CDH12: variants seen among roughly 807,000 people sequenced by gnomAD.
The protein encoded by CDH12 is cadherin-12.
CDH12 carries 41 observed loss-of-function variants against 74.1 expected under a neutral mutation model. The observed-to-expected ratio is 0.55, with a 90% confidence interval of 0.43 to 0.72. The LOEUF is 0.72. CDH12 is among the 30% of genes least tolerant of loss of function. The probability of loss-of-function intolerance (pLI) is 0.00; values close to 1 mark genes in which losing one functional copy is unlikely to be tolerated. For synonymous variants in CDH12, 399 were observed against 355.0 expected (o/e 1.12, Z -1.39); for missense variants, 945 against 977.2 (o/e 0.97, Z 0.44).
At chr5:22,145,388 T>C (rs556559147) in intron 4 of CDH12, among the ~76,000 whole-genome samples, 1 of 152,172 alleles carries the variant, frequency 6.6e-6, no homozygotes, top group East Asian at 1.9e-4. Flanking sequence ...AGCTCGTTCA[T>C]GAAAGAGATT....
chr5:22,400,432 T>C (rs894460105), intron 3 of CDH12, among the ~76,000 whole-genome samples: 3 of 152,122 alleles, frequency 2.0e-5, no homozygotes, highest in Non-Finnish European at 4.4e-5. Context: ...AATAGAAAAA[T>C]GAATACTGTG....
intron 4 of CDH12, among the ~76,000 whole-genome samples, chr5:22,164,486 C>T (rs376663087): frequency 7.2e-5 from 11 of 152,126 alleles, no homozygotes; most frequent in Admixed American, 3.3e-4. Flanking sequence ...TCTGTGACGG[C>T]GGCAAAACAG....
chr5:22,756,098 G>GAAAAAAAAA (rs60067455), intron 1 of CDH12, among the ~76,000 whole-genome samples: 67 of 87,256 alleles, frequency 7.7e-4, no homozygotes, highest in Admixed American at 2.7e-3. Flanking sequence ...TTCAAGGACC[G>GAAAAAAAAA]AAAAAAAAAA....
At chr5:22,247,728 C>T (rs955424268) in intron 3 of CDH12, among the ~76,000 whole-genome samples, 1 of 151,904 alleles carries the variant, frequency 6.6e-6, no homozygotes, top group African/African-American at 2.4e-5. Context: ...TAGCTTTTCT[C>T]CATATTCATA....
intron 2 of CDH12, among the ~76,000 whole-genome samples, chr5:22,447,237 C>T (rs778417154): frequency 6.6e-6 from 1 of 151,982 alleles, no homozygotes; most frequent in Non-Finnish European, 1.5e-5. Context: ...ATTCAATTTG[C>T]ACCAGATATC....
intron 5 of CDH12, among the ~76,000 whole-genome samples, chr5:21,983,016 A>C (rs1226663522): frequency 1.3e-5 from 2 of 152,082 alleles, no homozygotes; most frequent in African/African-American, 4.8e-5. Context: ...GCTAATCCAA[A>C]CAAGAACATC....
At chr5:22,021,269 T>C (rs1580124358) in intron 5 of CDH12, among the ~76,000 whole-genome samples, 1 of 152,338 alleles carries the variant, frequency 6.6e-6, no homozygotes, top group East Asian at 1.9e-4. Context: ...GTCATGTCAG[T>C]ACTCAAAAAG....
intron 1 of CDH12, among the ~76,000 whole-genome samples, chr5:22,715,518 CA>C (rs1364650525): frequency 6.6e-6 from 1 of 152,070 alleles, no homozygotes; most frequent in Admixed American, 6.6e-5. Flanking sequence ...TCTCAGGGTT[CA>C]AAATGGAGCA....
chr5:22,796,471 T>C (rs986676749), intron 1 of CDH12, among the ~76,000 whole-genome samples: 2 of 151,874 alleles, frequency 1.3e-5, no homozygotes, highest in Non-Finnish European at 2.9e-5. Context: ...CTGTTGGCCA[T>C]TTATATGTCT....
At chr5:22,797,468 C>G (rs1173956473) in intron 1 of CDH12, among the ~76,000 whole-genome samples, 3 of 152,064 alleles carry the variant, frequency 2.0e-5, no homozygotes, top group Admixed American at 2.0e-4. Context: ...GTCAAGAAGC[C>G]CTTGTTCTGT....
At chr5:22,761,443 C>T (rs778118517) in intron 1 of CDH12, among the ~76,000 whole-genome samples, 9 of 152,010 alleles carry the variant, frequency 5.9e-5, no homozygotes, top group Non-Finnish European at 1.0e-4. Context: ...CACGGTGTGC[C>T]CCCCAGGAGT....
At chr5:22,369,408 AT>A (rs1463491329) in intron 3 of CDH12, among the ~76,000 whole-genome samples, 1 of 152,128 alleles carries the variant, frequency 6.6e-6, no homozygotes, top group African/African-American at 2.4e-5. Context: ...TTTTTCCACC[AT>A]TTTTTTCCTA....
At chr5:22,538,206 G>A (rs545549175) in intron 1 of CDH12, among the ~76,000 whole-genome samples, 55 of 152,212 alleles carry the variant, frequency 3.6e-4, no homozygotes, top group African/African-American at 1.3e-3. Context: ...CTCCGTCACA[G>A]TCTAAAAATC....
At chr5:21,844,772 AAC>A (rs1440150385) in intron 7 of CDH12, among the ~76,000 whole-genome samples, 1 of 152,172 alleles carries the variant, frequency 6.6e-6, no homozygotes, top group Non-Finnish European at 1.5e-5. Context: ...ACCAGAAAAA[AAC>A]AATTCCACAA....
At position 22,288,715 on chromosome 5, in the gene CDH12, A is replaced by G. The variant is rs140626459; in HGVS notation, c.-332-76072T>C. 1.3e-3 allele frequency among the ~76,000 whole-genome samples: 204 copies of G among 152,274 alleles called. 1 individual carries two copies. Among genetic ancestry groups the G allele is most frequent in the African/African-American group, 4.6e-3 (190 of 41,558 alleles). On this transcript the variant is annotated intron_variant, in intron 3 of 14. Transcript: ENST00000382254. ...TACAGTGGTGGACCAAATTGTCTACATTGCTAGTCCTTAGAAGACAGTAGT... is the reference window on the plus strand; with the variant it reads ...TACAGTGGTGGACCAAATTGTCTACGTTGCTAGTCCTTAGAAGACAGTAGT...
At chr5:22,758,736 G>T (rs1035352870) in intron 1 of CDH12, among the ~76,000 whole-genome samples, 1 of 151,984 alleles carries the variant, frequency 6.6e-6, no homozygotes, top group Non-Finnish European at 1.5e-5. Flanking sequence ...ATAAATCTTC[G>T]TAGTGACAAA....
At chr5:22,139,728 A>G (rs1323988780) in intron 4 of CDH12, 1 of 151,432 alleles carries the variant, frequency 6.6e-6, no homozygotes, top group Admixed American at 6.6e-5. Flanking sequence ...AGAAATTACT[A>G]TTTATACATT....
intron 3 of CDH12, chr5:22,213,863 T>C (rs1238692130): frequency 6.6e-6 from 1 of 152,242 alleles, no homozygotes; most frequent in Non-Finnish European, 1.5e-5. Flanking sequence ...TCAGCACTTT[T>C]GTTTTTTTCC....
intron 1 of CDH12, among the ~76,000 whole-genome samples, chr5:22,622,942 T>C (rs1173198205): frequency 6.6e-6 from 1 of 152,126 alleles, no homozygotes; most frequent in Non-Finnish European, 1.5e-5. Context: ...GCAAACCAAA[T>C]CCAGCAGCAC....
Sources: gnomAD v4.1 joint callset for allele counts (sites outside exome capture counted in the v4.1 genomes callset) on GRCh38, gnomAD v4.1.1 for gene constraint, MANE v1.5 for transcripts, NCBI Gene and HGNC (gene_info 2026-07-23, HGNC 2026-07-21) for gene names.